The following SDHB variants were observed in gnomAD, a reference collection of about 807,000 sequenced individuals.
SDHB encodes the protein succinate dehydrogenase complex iron sulfur subunit B, also known as succinate dehydrogenase [ubiquinone] iron-sulfur subunit, mitochondrial.
In SDHB, 21 loss-of-function variants were observed where a neutral mutation model predicts 39.7. That is an observed-to-expected ratio of 0.53 (90% confidence interval 0.37 to 0.76). SDHB has a LOEUF of 0.76. SDHB is among the 30% of genes least tolerant of loss of function. SDHB has a pLI of 0.00. For missense variants in SDHB, 343 were observed against 350.9 expected (o/e 0.98, Z 0.18); for synonymous variants, 118 against 117.0 (o/e 1.01, Z -0.06).
rs889475833 is a variant in SDHB, at chr1:17,053,712, G to A, written c.72+236C>T. ...CCCTTTCTGAACGTCCCCCCCCCCC[G>A]CACCCTTAGCTGTAAAAAATTGCCC... On this transcript the variant is annotated intron_variant, in intron 1 of 7. Transcript: ENST00000375499. 1.5e-4 allele frequency among the ~76,000 whole-genome samples: 8 copies of A among 51,660 alleles called. No homozygotes were observed. In the East Asian group the frequency reaches 4.6e-3, roughly 29 times the overall value. 33.9% of individuals were successfully genotyped at this position (51,660 alleles called of 152,430 possible).
intron 1 of SDHB, among the ~76,000 whole-genome samples, chr1:17,049,677 T>TTTG (rs1009759642): frequency 1.1e-3 from 120 of 108,972 alleles, no homozygotes; most frequent in African/African-American, 3.6e-3. Context: ...TTTTTTTTTT[T>TTTG]GTGAGACAGT....
intron 7 of SDHB, 52 bp downstream of exon 7, chr1:17,022,556 C>A (rs747898945): frequency 2.4e-4 from 380 of 1,610,120 alleles, no homozygotes; most frequent in Non-Finnish European, 3.2e-4. Flanking sequence ...GCACATGCTA[C>A]TTCTGGCGTG....
chr1:17,035,169 T>TA (rs1220165940), intron 2 of SDHB, among the ~76,000 whole-genome samples: 1 of 152,214 alleles, frequency 6.6e-6, no homozygotes, highest in Non-Finnish European at 1.5e-5. Context: ...ATTTTAAACA[T>TA]ACATGAGTTA....
At chr1:17,028,405 T>C (rs1329142037) in intron 4 of SDHB, among the ~76,000 whole-genome samples, 195 bp downstream of exon 4, 1 of 152,202 alleles carries the variant, frequency 6.6e-6, no homozygotes, top group East Asian at 1.9e-4. Flanking sequence ...ATCTGGAGAT[T>C]TTCCTAATCT....
intron 7 of SDHB, among the ~76,000 whole-genome samples, chr1:17,019,899 A>G (rs1039851122): frequency 1.3e-5 from 2 of 152,114 alleles, no homozygotes; most frequent in African/African-American, 4.8e-5. Flanking sequence ...CACCTGGCTA[A>G]TTAAAAAAAA....
chr1:17,049,757 T>C (rs973644524), intron 1 of SDHB, among the ~76,000 whole-genome samples: 12 of 144,990 alleles, frequency 8.3e-5, no homozygotes, highest in African/African-American at 3.1e-4. Context: ...GCAATTCTCC[T>C]GCCTCAGCCT....
At chr1:17,047,696 AAGAG>A (rs1408023385) in intron 1 of SDHB, among the ~76,000 whole-genome samples, 25 of 151,412 alleles carry the variant, frequency 1.7e-4, no homozygotes, top group South Asian at 4.2e-4. Context: ...AAAAAAAAAA[AAGAG>A]AGAGAGTTTT....
chr1:17,032,931 A>G, intron 3 of SDHB, 129 bp downstream of exon 3: 1 of 746,920 alleles, frequency 1.3e-6, no homozygotes, highest in Non-Finnish European at 2.4e-6. Context: ...AAAAGGAATT[A>G]GGTTGCACAG....
At chr1:17,042,034 C>T (rs1319729986) in intron 2 of SDHB, among the ~76,000 whole-genome samples, 4 of 152,060 alleles carry the variant, frequency 2.6e-5, no homozygotes, top group Admixed American at 2.0e-4. Flanking sequence ...TGATTCTCCC[C>T]CATTAGCCTC....
At chr1:17,024,125 T>C (rs766584817) in intron 5 of SDHB, 51 bp from the exon 6 acceptor site, 2 of 1,269,494 alleles carry the variant, frequency 1.6e-6, no homozygotes, top group South Asian at 1.2e-5. Flanking sequence ...GAGACTCTGC[T>C]ATGTCTTCAG....
At chr1:17,026,920 T>G (rs1349121658) in intron 5 of SDHB, among the ~76,000 whole-genome samples, 2 of 152,292 alleles carry the variant, frequency 1.3e-5, no homozygotes, top group Middle Eastern at 3.4e-3. Flanking sequence ...AATGCACCAC[T>G]GCATCTGGCC....
At chr1:17,029,313 G>A (rs999874796) in intron 3 of SDHB, among the ~76,000 whole-genome samples, 4 of 151,808 alleles carry the variant, frequency 2.6e-5, no homozygotes, top group African/African-American at 9.7e-5. Flanking sequence ...TGCAGAGACA[G>A]GGTTTTGTTA....
intron 5 of SDHB, among the ~76,000 whole-genome samples, chr1:17,025,682 G>A (rs1332822430): frequency 1.3e-5 from 2 of 151,916 alleles, no homozygotes; most frequent in Admixed American, 1.3e-4. Flanking sequence ...TTGGTTTGGG[G>A]GCTGCCCAAT....
chr1:17,019,103 T>TG, intron 7 of SDHB, 145 bp from the exon 8 acceptor site: 1 of 719,642 alleles, frequency 1.4e-6, no homozygotes, highest in Middle Eastern at 2.3e-4. Flanking sequence ...CCATAGGGGT[T>TG]GGGCTAAGGG....
At chr1:17,048,898 A>G (rs1168086569) in intron 1 of SDHB, among the ~76,000 whole-genome samples, 1 of 151,802 alleles carries the variant, frequency 6.6e-6, no homozygotes, top group African/African-American at 2.4e-5. Context: ...TTTAGTAGAG[A>G]CGGGGTTTCA....
intron 1 of SDHB, among the ~76,000 whole-genome samples, chr1:17,050,105 T>G (rs572682957): frequency 2.0e-4 from 31 of 152,306 alleles, no homozygotes; most frequent in African/African-American, 6.5e-4. Context: ...TTTAAATATC[T>G]GTTTCATATC....
chr1:17,050,414 C>G (rs1316765909), intron 1 of SDHB, among the ~76,000 whole-genome samples: 2 of 151,558 alleles, frequency 1.3e-5, no homozygotes. Flanking sequence ...TTTGGGAGGC[C>G]GAGGCAGGTG....
chr1:17,043,607 G>A (rs891714506), intron 2 of SDHB, among the ~76,000 whole-genome samples: 2 of 152,192 alleles, frequency 1.3e-5, no homozygotes, highest in Non-Finnish European at 2.9e-5. Flanking sequence ...AGCAGCAGGA[G>A]GCTAGAGACT....
At chr1:17,051,542 A>G (rs2078147099) in intron 1 of SDHB, among the ~76,000 whole-genome samples, 1 of 152,234 alleles carries the variant, frequency 6.6e-6, no homozygotes, top group Non-Finnish European at 1.5e-5. Flanking sequence ...TACAAGGTGC[A>G]GGCTTGCTGA....
Sources: gnomAD v4.1 joint callset for allele counts (sites outside exome capture counted in the v4.1 genomes callset) on GRCh38, gnomAD v4.1.1 for gene constraint, MANE v1.5 for transcripts, NCBI Gene and HGNC (gene_info 2026-07-23, HGNC 2026-07-21) for gene names.